The following CCDC170 variants were observed in gnomAD, a reference collection of about 807,000 sequenced individuals.
The protein encoded by CCDC170 is coiled-coil domain-containing protein 170.
In CCDC170, 69 loss-of-function variants were observed where a neutral mutation model predicts 72.6. The observed-to-expected ratio is 0.95, with a 90% CI of 0.78 to 1.16. The LOEUF is 1.16. Among genes scored for constraint, CCDC170 ranks in the 50% most tolerant of loss-of-function variants. The pLI is 0.00. For missense variants in CCDC170, 852 were observed against 832.5 expected, an observed-to-expected ratio of 1.02 and a Z score of -0.29; for synonymous variants, 300 against 303.9, an observed-to-expected ratio of 0.99 and a Z score of 0.13.
chr6:151,526,867 A>G (rs1327159043), intron 1 of CCDC170, among the ~76,000 whole-genome samples: 1 of 152,018 alleles, frequency 6.6e-6, no homozygotes, highest in East Asian at 1.9e-4. Context: ...TGCTGCCTTC[A>G]CTTCAACAAG....
chr6:151,499,516 A>G (rs1198737888), intron 1 of CCDC170, among the ~76,000 whole-genome samples: 1 of 99,420 alleles, frequency 1.0e-5, no homozygotes, highest in African/African-American at 5.5e-5. Context: ...GTGGAATCAG[A>G]CTGTATTTGA....
In CCDC170 at chr6:151,619,560, G is replaced by A. The variant is rs1296888818; in HGVS notation, c.*1413G>A. The A allele has an allele frequency of 2.0e-5, 3 of 152,044 alleles. No individual in the cohort carries two copies. Among genetic ancestry groups the A allele is most frequent in the South Asian group, 2.1e-4 (1 of 4,816 alleles). 9.4% of individuals were successfully genotyped at this position (152,044 alleles called of 1,614,324 possible). A position where few individuals can be genotyped will look rare whatever the true frequency, so the allele number is the denominator to read the frequency against. ...GGAAAGAAATAGATCTGGTGCACCC[G>A]AACATTAGGAGAAAATGAAAAATAT... On this transcript the variant is annotated 3_prime_UTR_variant, in exon 11 of 11. Transcript: ENST00000239374.
At chr6:151,558,232 G>GTTTTTTTTTTTTTTTT (rs55648936) in intron 5 of CCDC170, among the ~76,000 whole-genome samples, 5 of 70,880 alleles carry the variant, frequency 7.1e-5, no homozygotes, top group East Asian at 4.6e-4. Flanking sequence ...TGAGATTAGT[G>GTTTTTTTTTTTTTTTT]TTTTTTTTTT....
intron 1 of CCDC170, among the ~76,000 whole-genome samples, chr6:151,533,089 T>C (rs1443019160): frequency 1.3e-5 from 2 of 150,446 alleles, no homozygotes; most frequent in East Asian, 4.0e-4. Flanking sequence ...AGTCTCGCTC[T>C]GTCACCCAGG....
chr6:151,591,546 G>C lies in CCDC170; in HGVS notation c.1294-1561G>C, dbSNP rs529764260. 1.5e-3 allele frequency among the ~76,000 whole-genome samples: 225 copies of C among 152,052 alleles called. 2 individuals carry two copies. Among genetic ancestry groups the C allele is most frequent in the African/African-American group, 5.1e-3 (213 of 41,476 alleles). On this transcript the variant is annotated intron_variant, in intron 7 of 10. Coordinates refer to ENST00000239374, the MANE Select transcript of CCDC170 (RefSeq NM_025059.4). ...GTCTTGCTCTGTCGCCCAGGCTGGA[G>C]TGCGGTGGTGCAATCTCGGCTTACT... is the stretch of plus-strand genomic sequence containing the variant.
intron 9 of CCDC170, among the ~76,000 whole-genome samples, chr6:151,601,265 C>G (rs2115126579): frequency 6.6e-6 from 1 of 152,242 alleles, no homozygotes; most frequent in South Asian, 2.1e-4. Context: ...TTGGGGGATA[C>G]CACCCCCATG....
At chr6:151,539,630 A>G (rs935831710) in intron 3 of CCDC170, among the ~76,000 whole-genome samples, 3 of 152,184 alleles carry the variant, frequency 2.0e-5, no homozygotes, top group Non-Finnish European at 4.4e-5. Flanking sequence ...TGGTGATATC[A>G]TTTAGTTTCA....
intron 9 of CCDC170, among the ~76,000 whole-genome samples, chr6:151,614,580 G>A (rs1320056313): frequency 1.3e-5 from 2 of 151,438 alleles, no homozygotes; most frequent in African/African-American, 4.9e-5. Context: ...TCAGCCTCCC[G>A]AGTAGCTGGG....
At chr6:151,559,151 A>G (rs1363158869) in intron 5 of CCDC170, among the ~76,000 whole-genome samples, 2 of 151,924 alleles carry the variant, frequency 1.3e-5, no homozygotes, top group African/African-American at 4.8e-5. Context: ...AGCTGGGACA[A>G]CAGGCACATG....
intron 9 of CCDC170, among the ~76,000 whole-genome samples, chr6:151,614,355 G>A (rs1194509164): frequency 6.6e-6 from 1 of 152,096 alleles, no homozygotes; most frequent in Admixed American, 6.6e-5. Flanking sequence ...CTTCATATAA[G>A]TGGAATTATA....
chr6:151,519,401 C>G lies in CCDC170; in HGVS notation c.58-16917C>G, dbSNP rs1583006968. The stretch of plus-strand genomic sequence containing the variant: ...GACCCTATGGTTGTCTTCCCTTGGT[C>G]CCTGAAAATCGCTGTTATTCCGTTC... On this transcript the variant is annotated intron_variant, in intron 1 of 10. Transcript: ENST00000239374. Among the ~76,000 whole-genome samples the G allele has an allele frequency of 2.6e-5, 4 of 152,268 alleles. 1 individual carries two copies. In the South Asian group the frequency reaches 8.3e-4, roughly 32 times the overall value.
intron 9 of CCDC170, among the ~76,000 whole-genome samples, chr6:151,597,800 ATCC>A (rs1227884000): frequency 6.6e-6 from 1 of 152,352 alleles, no homozygotes; most frequent in East Asian, 1.9e-4. Context: ...TGCACACATC[ATCC>A]TCAGCAGGTG....
intron 1 of CCDC170, among the ~76,000 whole-genome samples, chr6:151,510,748 T>TC (rs948628826): frequency 6.6e-6 from 1 of 150,652 alleles, no homozygotes; most frequent in African/African-American, 2.4e-5. Context: ...TTCTTCTTCT[T>TC]TTTTTTTTAT....
chr6:151,573,986 G>A (rs1776266945), intron 6 of CCDC170, among the ~76,000 whole-genome samples: 1 of 152,232 alleles, frequency 6.6e-6, no homozygotes, highest in Admixed American at 6.5e-5. Flanking sequence ...GCCTAGGCCT[G>A]TAACCCCAGT....
chr6:151,615,382 G>C lies in CCDC170; in HGVS notation c.1711-61G>C, dbSNP rs1468092193. 5 of 1,166,788 alleles carry C rather than the reference G, an allele frequency of 4.3e-6. No individual in the cohort carries two copies. In the Admixed American group the frequency reaches 9.0e-5, roughly 21 times the overall value. 72.3% of individuals were successfully genotyped at this position (1,166,788 alleles called of 1,614,324 possible). ...ATTCCATTGACTTCTGATTTGTCATGTTTATACAGTTTTCCTAACTAAATA... is the reference window on the plus strand; with the variant it reads ...ATTCCATTGACTTCTGATTTGTCATCTTTATACAGTTTTCCTAACTAAATA... On this transcript the variant is annotated intron_variant, in intron 9 of 10. Coordinates refer to ENST00000239374, the MANE Select transcript of CCDC170 (RefSeq NM_025059.4).
chr6:151,540,373 C>CTTTTTTTTTTTTTTTTTTTTTTTTTTTTT (rs779650559), intron 3 of CCDC170, among the ~76,000 whole-genome samples: 1 of 37,952 alleles, frequency 2.6e-5, no homozygotes, highest in Non-Finnish European at 4.9e-5. Flanking sequence ...TCTGCTGCTG[C>CTTTTTTTTTTTTTTTTTTTTTTTTTTTTT]TTTTTTTTTT....
chr6:151,590,410 C>A (rs1159647111), intron 7 of CCDC170, among the ~76,000 whole-genome samples: 1 of 152,162 alleles, frequency 6.6e-6, no homozygotes, highest in Non-Finnish European at 1.5e-5. Flanking sequence ...GGATTATGTT[C>A]AAATAACTCT....
chr6:151,505,718 C>T (rs1782058395), intron 1 of CCDC170, among the ~76,000 whole-genome samples: 1 of 152,112 alleles, frequency 6.6e-6, no homozygotes, highest in African/African-American at 2.4e-5. Flanking sequence ...TGCTGTGACT[C>T]CTCAAGGCTT....
intron 7 of CCDC170, among the ~76,000 whole-genome samples, chr6:151,588,754 A>C (rs1776491072): frequency 6.6e-6 from 1 of 152,134 alleles, no homozygotes. Context: ...CAGCCTGGGC[A>C]ACATGGTGAA....
Sources: gnomAD v4.1 joint callset for allele counts (sites outside exome capture counted in the v4.1 genomes callset) on GRCh38, gnomAD v4.1.1 for gene constraint, MANE v1.5 for transcripts, NCBI Gene and HGNC (gene_info 2026-07-23, HGNC 2026-07-21) for gene names.